CDYL: variants seen among roughly 807,000 people sequenced by gnomAD.
The protein encoded by CDYL is chromodomain Y like, also known as chromodomain Y-like protein.
In CDYL, 8 loss-of-function variants were observed where a neutral mutation model predicts 47.3. That is an observed-to-expected ratio of 0.17 (90% CI 0.10 to 0.31). The LOEUF (loss-of-function observed/expected upper bound fraction) is 0.31. CDYL is among the 10% of genes least tolerant of loss of function. The pLI is 1.00. For missense variants in CDYL, 471 were observed against 701.4 expected (o/e 0.67, Z 3.71); for synonymous variants, 266 against 265.0 (o/e 1.00, Z -0.04).
intron 3 of CDYL, among the ~76,000 whole-genome samples, chr6:4,743,104 T>C (rs1219909949): frequency 6.6e-6 from 1 of 152,172 alleles, no homozygotes; most frequent in Non-Finnish European, 1.5e-5. Context: ...ATCCTTTCCC[T>C]CTCCAATTGG....
At chr6:4,833,124 G>A (rs1171777941) in intron 1 of CDYL, among the ~76,000 whole-genome samples, 3 of 143,446 alleles carry the variant, frequency 2.1e-5, no homozygotes, top group African/African-American at 2.8e-5. Flanking sequence ...GCTTTTGAAT[G>A]TGTTTGCTCT....
chr6:4,881,098 G>A lies in CDYL; in HGVS notation c.25-10615G>A, dbSNP rs117548668. ...ATGTACTTGGGTTCTGTGTGTGTGTGTTTTTAATCCATTTTGATGATTTCT... is the reference window on the plus strand; with the variant it reads ...ATGTACTTGGGTTCTGTGTGTGTGTATTTTTAATCCATTTTGATGATTTCT... On this transcript the variant is annotated intron_variant, in intron 1 of 6. Transcript: ENST00000397588. 6.2e-4 allele frequency among the ~76,000 whole-genome samples: 94 copies of A among 152,240 alleles called. 4 individuals carry two copies. In the East Asian group the frequency reaches 0.017, roughly 28 times the overall value.
chr6:4,777,050 A>G (rs1250974496), intron 1 of CDYL, among the ~76,000 whole-genome samples: 1 of 143,726 alleles, frequency 7.0e-6, no homozygotes, highest in African/African-American at 2.6e-5. Flanking sequence ...GCCGTGGGGA[A>G]GTGGTGCTGA....
intron 3 of CDYL, among the ~76,000 whole-genome samples, chr6:4,735,864 G>C (rs1056009441): frequency 6.6e-6 from 1 of 151,782 alleles, no homozygotes; most frequent in South Asian, 2.1e-4. Context: ...TCTCCAAAAG[G>C]TTCCCCCGCC....
At chr6:4,856,317 C>T (rs1761005307) in intron 1 of CDYL, among the ~76,000 whole-genome samples, 1 of 152,166 alleles carries the variant, frequency 6.6e-6, no homozygotes, top group African/African-American at 2.4e-5. Flanking sequence ...TTGTTGGTGT[C>T]ACTGAAAAAG....
At chr6:4,739,648 G>A (rs1050197818) in intron 3 of CDYL, among the ~76,000 whole-genome samples, 4 of 151,652 alleles carry the variant, frequency 2.6e-5, no homozygotes, top group African/African-American at 9.7e-5. Flanking sequence ...TTTCTACCTA[G>A]TAAAAGCATA....
At chr6:4,758,949 A>G (rs1197341160) in intron 3 of CDYL, among the ~76,000 whole-genome samples, 1 of 149,810 alleles carries the variant, frequency 6.7e-6, no homozygotes, top group African/African-American at 2.5e-5. Context: ...TTCTACCTCA[A>G]TCACCCAGTT....
At chr6:4,775,671 AC>A (rs1758418980), upstream of CDYL, among the ~76,000 whole-genome samples, 1 of 148,820 alleles carries the variant, frequency 6.7e-6, no homozygotes, top group African/African-American at 2.4e-5. The surrounding 1 kb of genome is among the most constrained non-coding windows in gnomAD (Gnocchi z 7.0). Flanking sequence ...CCCGGATCCC[AC>A]CCCCGGCCTG....
At chr6:4,709,489 C>T (rs1055599294) in intron 1 of CDYL, among the ~76,000 whole-genome samples, 1 of 152,130 alleles carries the variant, frequency 6.6e-6, no homozygotes. Context: ...AGCCATTGCA[C>T]CCAGCCGCCC....
chr6:4,883,990 C>T (rs1331158114), intron 1 of CDYL, among the ~76,000 whole-genome samples: 1 of 152,208 alleles, frequency 6.6e-6, no homozygotes, highest in Non-Finnish European at 1.5e-5. Context: ...ATCATTGACT[C>T]ACCATGTGTG....
At chr6:4,838,969 C>G (rs1437516353) in intron 1 of CDYL, among the ~76,000 whole-genome samples, 3 of 152,156 alleles carry the variant, frequency 2.0e-5, no homozygotes, top group Non-Finnish European at 4.4e-5. Context: ...GCCACCACTC[C>G]CGGCCTTACT....
upstream of CDYL, among the ~76,000 whole-genome samples, chr6:4,776,224 C>T (rs996445345): frequency 2.1e-5 from 3 of 142,932 alleles, no homozygotes; most frequent in Admixed American, 2.1e-4. Flanking sequence ...GGCTCGCTCC[C>T]GGCCCCGCCG....
intron 1 of CDYL, among the ~76,000 whole-genome samples, chr6:4,799,900 A>G (rs1028730352): frequency 2.0e-5 from 3 of 152,166 alleles, no homozygotes; most frequent in African/African-American, 7.2e-5. Flanking sequence ...TAATATTGTT[A>G]TATTTTCCTT....
At chr6:4,836,198 G>A (rs1760301243) in intron 1 of CDYL, 1 of 717,270 alleles carries the variant, frequency 1.4e-6, no homozygotes, top group Non-Finnish European at 1.7e-6. Context: ...GTAGACCGGA[G>A]CTGTTCCTAT....
At chr6:4,922,561 C>T (rs1265682486) in intron 2 of CDYL, among the ~76,000 whole-genome samples, 1 of 152,194 alleles carries the variant, frequency 6.6e-6, no homozygotes, top group African/African-American at 2.4e-5. Flanking sequence ...CTTTAACGAG[C>T]AGCACGGCGT....
At chr6:4,726,471 G>T (rs1757514797) in intron 2 of CDYL, among the ~76,000 whole-genome samples, 1 of 150,304 alleles carries the variant, frequency 6.7e-6, no homozygotes, top group Middle Eastern at 3.2e-3. Flanking sequence ...GGCAGACGTT[G>T]CAGTAAGCCA....
chr6:4,828,001 A>T (rs1376492107), intron 1 of CDYL, among the ~76,000 whole-genome samples: 1 of 152,210 alleles, frequency 6.6e-6, no homozygotes. Flanking sequence ...TACATTCAAA[A>T]TTCCTAAATA....
chr6:4,834,344 G>T (rs1457819340), intron 1 of CDYL, among the ~76,000 whole-genome samples: 42 of 148,744 alleles, frequency 2.8e-4, no homozygotes, highest in Non-Finnish European at 5.3e-4. Flanking sequence ...GCTTAGTTTG[G>T]CTGGATATGA....
intron 1 of CDYL, among the ~76,000 whole-genome samples, chr6:4,779,716 T>G (rs1175818624): frequency 6.6e-6 from 1 of 152,182 alleles, no homozygotes; most frequent in East Asian, 1.9e-4. Context: ...CTTCATAGTT[T>G]TCACAAAAAG....
Sources: gnomAD v4.1 joint callset for allele counts (sites outside exome capture counted in the v4.1 genomes callset) on GRCh38, gnomAD v4.1.1 for gene constraint, Gnocchi (gnomAD v3.1) non-coding constraint, MANE v1.5 for transcripts, NCBI Gene and HGNC (gene_info 2026-07-23, HGNC 2026-07-21) for gene names.